The following PPP1R9A variants were observed in gnomAD, a reference collection of about 807,000 sequenced individuals.
The protein encoded by PPP1R9A is protein phosphatase 1 regulatory subunit 9A, also known as neurabin-1.
PPP1R9A carries 59 observed loss-of-function variants against 141.9 expected under a neutral mutation model. That is an observed-to-expected ratio of 0.42 (90% CI 0.34 to 0.52). PPP1R9A has a LOEUF of 0.52. PPP1R9A is among the 20% of genes least tolerant of loss of function. PPP1R9A has a pLI of 0.10. For synonymous variants in PPP1R9A, 500 were observed against 569.7 expected, an observed-to-expected ratio of 0.88 and a Z score of 1.74; for missense variants, 1,444 against 1,611.9, an observed-to-expected ratio of 0.90 and a Z score of 1.78.
chr7:95,247,305 G>A (rs1389886317), intron 8 of PPP1R9A, among the ~76,000 whole-genome samples, 168 bp from the exon 9 acceptor site: 2 of 152,190 alleles, frequency 1.3e-5, no homozygotes, highest in African/African-American at 4.8e-5. Flanking sequence ...TAATTAGTTT[G>A]CACCCAGTGT....
intron 5 of PPP1R9A, among the ~76,000 whole-genome samples, chr7:95,169,932 G>A (rs1183167097): frequency 6.6e-6 from 1 of 151,744 alleles, no homozygotes; most frequent in African/African-American, 2.4e-5. Flanking sequence ...ATCCAGCAAT[G>A]TTAGAAATAA....
intron 2 of PPP1R9A, among the ~76,000 whole-genome samples, chr7:94,929,340 G>T (rs1198459396): frequency 2.0e-5 from 3 of 152,188 alleles, no homozygotes; most frequent in African/African-American, 7.2e-5. Context: ...TGCTGTGAGT[G>T]CGGAGAGGGG....
At chr7:95,099,506 G>T (rs1818471603) in intron 2 of PPP1R9A, among the ~76,000 whole-genome samples, 1 of 152,130 alleles carries the variant, frequency 6.6e-6, no homozygotes, top group South Asian at 2.1e-4. Context: ...AACATCAGTG[G>T]AATTTCCCAG....
intron 2 of PPP1R9A, among the ~76,000 whole-genome samples, chr7:95,051,702 G>A (rs1434393486): frequency 6.6e-6 from 1 of 152,136 alleles, no homozygotes; most frequent in African/African-American, 2.4e-5. Flanking sequence ...TTCAGAGTTA[G>A]AAGATAAAAC....
At position 94,910,298 on chromosome 7, in the gene PPP1R9A, A is replaced by G. The variant is rs1405131166; in HGVS notation, c.185A>G (p.Asn62Ser). The change falls in exon 2 of 20, where the codon AAT becomes AGT. Residue 62 changes from asparagine (N) to serine (S), a missense_variant. Transcript: ENST00000433360. This position sits in a 1 kb window ranked among gnomAD's most constrained non-coding sequence, Gnocchi z 4.5. Reference sequence around the variant, plus strand: ...AGCAGGGGGAGGAAATATGGCTCCAATGTCAACAGAATTAAAAACCTATTT... The same window carrying G: ...AGCAGGGGGAGGAAATATGGCTCCAGTGTCAACAGAATTAAAAACCTATTT... ...QQSRGRKYGS[N>S]VNRIKNLFMQ... is the part of the protein sequence containing the mutation. The G allele has an allele frequency of 2.5e-6, 4 of 1,614,100 alleles. No homozygotes were observed. The highest frequency in any genetic ancestry group is 1.1e-5 in the South Asian group (1 of 91,066).
intron 5 of PPP1R9A, among the ~76,000 whole-genome samples, chr7:95,170,779 A>G (rs1169232757): frequency 6.6e-6 from 1 of 151,584 alleles, no homozygotes; most frequent in Non-Finnish European, 1.5e-5. Context: ...TACAGAAGGA[A>G]ATGAAGAGAA....
At chr7:95,246,790 G>T (rs186430778) in intron 8 of PPP1R9A, among the ~76,000 whole-genome samples, 2 of 152,076 alleles carry the variant, frequency 1.3e-5, no homozygotes, top group African/African-American at 4.8e-5. Context: ...AAAACAAAGC[G>T]GGGGGAGGGA....
At position 95,294,403 on chromosome 7, in the gene PPP1R9A, G is replaced by A. The variant is rs953776178; in HGVS notation, c.*4100G>A. The A allele has an allele frequency of 1.3e-5, 2 of 151,050 alleles. No individual in the cohort carries two copies. The highest frequency in any genetic ancestry group is 3.9e-4 in the East Asian group (2 of 5,120). The allele number at this position is 151,050 out of a possible 1,614,324, so 9.4% of individuals were successfully genotyped here. A position where few individuals can be genotyped will look rare whatever the true frequency, so the allele number is the denominator to read the frequency against. On this transcript the variant is annotated 3_prime_UTR_variant, in exon 20 of 20. Transcript: ENST00000433360. ...CCTGCTTCAGCTTCCCAAGTAGCTG[G>A]GACTACAGGCATGTGCCACCACCCC... is the stretch of plus-strand genomic sequence containing the variant.
In PPP1R9A at chr7:95,288,638, C is replaced by G. The variant is rs759909764; in HGVS notation, c.3832C>G (p.Leu1278Val). The G allele has an allele frequency of 1.2e-6, 2 of 1,614,110 alleles. No homozygotes were observed. Among genetic ancestry groups the G allele is most frequent in the African/African-American group, 2.7e-5 (2 of 75,026 alleles). ...TTCTCACTGGTTAATGAGCCTAAAT[C>G]TGGAGCAGTATGTATCTGAATTCAG... ...QVSHWLMSLNLEQYVSEFSAQ... is the reference protein window; with the variant it reads ...QVSHWLMSLNVEQYVSEFSAQ... The change falls in exon 19 of 20, where the codon CTG becomes GTG. Residue 1278 changes from leucine (L) to valine (V), a missense_variant. Leu to Val is a conservative substitution (Grantham distance 32). Transcript: ENST00000433360.
chr7:95,022,614 T>C (rs1454538042), intron 2 of PPP1R9A, among the ~76,000 whole-genome samples: 4 of 152,196 alleles, frequency 2.6e-5, no homozygotes, highest in African/African-American at 9.7e-5. Flanking sequence ...TGGCTATGGG[T>C]TTGTCACAAA....
chr7:95,084,389 C>G (rs1376923710), intron 2 of PPP1R9A, among the ~76,000 whole-genome samples: 2 of 151,926 alleles, frequency 1.3e-5, no homozygotes, highest in African/African-American at 4.8e-5. Context: ...CAAGTTTTAT[C>G]TTTACACATT....
At chr7:95,186,306 A>G (rs1834641914) in intron 5 of PPP1R9A, among the ~76,000 whole-genome samples, 1 of 151,998 alleles carries the variant, frequency 6.6e-6, no homozygotes, top group Non-Finnish European at 1.5e-5. Flanking sequence ...TCTTGATTTG[A>G]TTCTCAGCTT....
At chr7:95,024,288 A>C (rs1806472738) in intron 2 of PPP1R9A, among the ~76,000 whole-genome samples, 1 of 152,142 alleles carries the variant, frequency 6.6e-6, no homozygotes, top group Non-Finnish European at 1.5e-5. Context: ...GATGTCTGTT[A>C]GGTCACTTGG....
intron 8 of PPP1R9A, among the ~76,000 whole-genome samples, chr7:95,246,194 A>C (rs1585436823): frequency 6.6e-6 from 1 of 152,070 alleles, no homozygotes; most frequent in East Asian, 1.9e-4. Context: ...AACTTGGTAA[A>C]AACCCAAGGG....
chr7:95,081,035 C>T (rs1815741017), intron 2 of PPP1R9A, among the ~76,000 whole-genome samples: 1 of 152,064 alleles, frequency 6.6e-6, no homozygotes, highest in Non-Finnish European at 1.5e-5. Flanking sequence ...AGCTCAAAGA[C>T]AAAGAATAAG....
intron 5 of PPP1R9A, among the ~76,000 whole-genome samples, chr7:95,192,966 A>G (rs912432225): frequency 2.6e-5 from 4 of 152,140 alleles, no homozygotes; most frequent in African/African-American, 9.7e-5. Context: ...ATTTTTCAAT[A>G]TGGGAGATTT....
chr7:95,200,960 G>GCAA (rs1428226681), intron 6 of PPP1R9A, among the ~76,000 whole-genome samples: 1 of 152,158 alleles, frequency 6.6e-6, no homozygotes, highest in African/African-American at 2.4e-5. Flanking sequence ...TGGACTCTTT[G>GCAA]CAACACACTG....
rs764002444 is a variant in PPP1R9A, at chr7:95,203,809, T to A, written c.1956+79T>A. 7 of 1,072,774 alleles carry A rather than the reference T, an allele frequency of 6.5e-6. No homozygotes were observed. The Admixed American group carries it at 8.9e-5, about 14-fold the overall frequency. 66.5% of individuals were successfully genotyped at this position (1,072,774 alleles called of 1,614,324 possible). ...AAAATTAAATATTCTTTGTGTCTTA[T>A]TAACTATCTGTATGTTCTGAAGAAC... On this transcript the variant is annotated intron_variant, in intron 7 of 19. Transcript: ENST00000433360.
intron 7 of PPP1R9A, among the ~76,000 whole-genome samples, 170 bp from the exon 8 acceptor site, chr7:95,225,786 TTAAAC>T (rs1323455503): frequency 2.0e-5 from 3 of 152,194 alleles, no homozygotes; most frequent in South Asian, 4.1e-4. Flanking sequence ...CTTTGGATCT[TTAAAC>T]TAACATTTGT....
Sources: allele counts gnomAD v4.1 joint callset (sites outside exome capture counted in the v4.1 genomes callset), GRCh38; gene constraint gnomAD v4.1.1; non-coding constraint Gnocchi (gnomAD v3.1); transcripts MANE v1.5; gene names NCBI Gene and HGNC (gene_info 2026-07-23, HGNC 2026-07-21).